The following LAMA2 variants were observed in gnomAD, a reference collection of about 807,000 sequenced individuals.
LAMA2 encodes laminin subunit alpha-2.
A neutral mutation model predicts 364.8 loss-of-function variants in LAMA2; 269 were observed. The ratio of observed to expected loss-of-function variants is 0.74; its 90% CI spans 0.67 to 0.82. The LOEUF is 0.82. Ranked by LOEUF, LAMA2 falls within the 40% of genes least tolerant of loss-of-function variation. The pLI, the probability that LAMA2 is intolerant of heterozygous loss-of-function variation, is 0.00. For missense variants in LAMA2, 3,807 were observed against 3,873.2 expected, an observed-to-expected ratio of 0.98 and a Z score of 0.45; for synonymous variants, 1,379 against 1,370.6, an observed-to-expected ratio of 1.01 and a Z score of -0.14.
At chr6:129,418,059 C>G (rs998278445) in intron 40 of LAMA2, among the ~76,000 whole-genome samples, 2 of 152,134 alleles carry the variant, frequency 1.3e-5, no homozygotes, top group African/African-American at 4.8e-5. Flanking sequence ...CTGGCTCCCA[C>G]CAGCTCTGTG....
intron 5 of LAMA2, among the ~76,000 whole-genome samples, chr6:129,144,756 C>T (rs1307216552): frequency 2.0e-5 from 3 of 151,956 alleles, no homozygotes; most frequent in African/African-American, 4.8e-5. Context: ...ATTCTACATA[C>T]TGTTTTATTT....
intron 62 of LAMA2, 145 bp downstream of exon 62, chr6:129,507,787 A>G (rs1009293039): frequency 1.3e-6 from 1 of 797,040 alleles, no homozygotes. Flanking sequence ...AGTAATTTCA[A>G]AAATGCCTCT....
At chr6:129,358,555 C>A (rs1442138143) in intron 32 of LAMA2, among the ~76,000 whole-genome samples, 1 of 151,920 alleles carries the variant, frequency 6.6e-6, no homozygotes, top group Non-Finnish European at 1.5e-5. Flanking sequence ...CTGTGACATC[C>A]ACAAAACAGA....
intron 34 of LAMA2, among the ~76,000 whole-genome samples, chr6:129,372,809 T>G (rs900751201): frequency 6.6e-6 from 1 of 152,208 alleles, no homozygotes; most frequent in Non-Finnish European, 1.5e-5. Flanking sequence ...CAATAGCATT[T>G]GGTGTTTTTA....
intron 4 of LAMA2, among the ~76,000 whole-genome samples, chr6:129,107,915 C>A (rs1260100435): frequency 6.6e-6 from 1 of 152,076 alleles, no homozygotes; most frequent in African/African-American, 2.4e-5. Flanking sequence ...CTCAGGAGTC[C>A]CCCCTCCTAG....
At chr6:129,316,901 TG>T (rs1226927142) in intron 27 of LAMA2, among the ~76,000 whole-genome samples, 1 of 152,186 alleles carries the variant, frequency 6.6e-6, no homozygotes, top group Non-Finnish European at 1.5e-5. Flanking sequence ...CCCAATATTA[TG>T]AGTGTAAACT....
chr6:129,514,946 G>A (rs1305423350), intron 64 of LAMA2, among the ~76,000 whole-genome samples: 1 of 58,692 alleles, frequency 1.7e-5, no homozygotes, highest in African/African-American at 4.0e-5. Flanking sequence ...ATATACCAGA[G>A]GAATCAATCA....
rs562706324 is a variant in LAMA2 at position 129,417,053 on chromosome 6, C to T, written c.5866-10699C>T. On this transcript the variant is annotated intron_variant, in intron 40 of 64. Coordinates refer to ENST00000421865, the MANE Select transcript of LAMA2 (RefSeq NM_000426.4). ...GGCTCAGGGAGTCCATAGGTCTCAGCTCCCCAAAAGGCCACAGCCCTTCTC... is the reference window on the plus strand; with the variant it reads ...GGCTCAGGGAGTCCATAGGTCTCAGTTCCCCAAAAGGCCACAGCCCTTCTC... Among the ~76,000 whole-genome samples the T allele has an allele frequency of 2.0e-5, 3 of 152,146 alleles. No homozygotes were observed. The East Asian group carries it at 5.8e-4, about 29-fold the overall frequency.
intron 3 of LAMA2, among the ~76,000 whole-genome samples, chr6:129,082,254 C>T (rs1774106793): frequency 6.6e-6 from 1 of 151,976 alleles, no homozygotes; most frequent in South Asian, 2.1e-4. Context: ...CATTGCTTTG[C>T]TCAATTTTCT....
intron 33 of LAMA2, among the ~76,000 whole-genome samples, chr6:129,369,470 CT>C (rs201865436): frequency 0.012 from 1,772 of 152,196 alleles, 29 homozygotes; most frequent in African/African-American, 0.04. Flanking sequence ...TACCTGTGAT[CT>C]GTGTCTCTGT....
At chr6:129,427,624 T>C in intron 40 of LAMA2, 128 bp from the exon 41 acceptor site, 1 of 727,072 alleles carries the variant, frequency 1.4e-6, no homozygotes, top group Non-Finnish European at 2.5e-6. Flanking sequence ...GCTAATAATT[T>C]ACAATTCTAT....
intron 33 of LAMA2, among the ~76,000 whole-genome samples, chr6:129,366,932 GC>G (rs1444113501): frequency 1.3e-5 from 2 of 152,196 alleles, no homozygotes; most frequent in African/African-American, 4.8e-5. Context: ...TGCTCAGTCT[GC>G]CATAGGCTCA....
chr6:129,008,147 T>C (rs1357835850), intron 1 of LAMA2, among the ~76,000 whole-genome samples: 2 of 152,186 alleles, frequency 1.3e-5, no homozygotes, highest in Admixed American at 1.3e-4. Context: ...GAACATGCTG[T>C]CATTAACTGC....
intron 12 of LAMA2, among the ~76,000 whole-genome samples, chr6:129,220,650 A>C (rs914101509): frequency 6.6e-6 from 1 of 152,206 alleles, no homozygotes; most frequent in African/African-American, 2.4e-5. Context: ...ATATGTTAAA[A>C]TGTCATACTT....
In LAMA2 at chr6:129,320,488, G is replaced by T. The variant is rs745642152; in HGVS notation, c.4059-50G>T. 30 of 1,046,472 alleles carry T rather than the reference G, an allele frequency of 2.9e-5. No individual in the cohort carries two copies. In the Admixed American group the frequency reaches 3.2e-4, roughly 11 times the overall value. 64.8% of individuals were successfully genotyped at this position (1,046,472 alleles called of 1,614,324 possible). A position where few individuals can be genotyped will look rare whatever the true frequency, so the allele number is the denominator to read the frequency against. On this transcript the variant is annotated intron_variant, in intron 27 of 64. Transcript: ENST00000421865. The stretch of plus-strand genomic sequence containing the variant: ...CTGTAGGATTGATTGTTTACTAGGT[G>T]ATCTTAACTGACTGTCATAGTAATC...
In LAMA2 at chr6:128,884,247, T is replaced by C. The variant is rs553741403; in HGVS notation, c.112+890T>C. The stretch of plus-strand genomic sequence containing the variant: ...TTTTACAGGAAGCACATGTGCAGCA[T>C]TGTAAGACATACTTTGTAACACATT... On this transcript the variant is annotated intron_variant, in intron 1 of 64. Transcript: ENST00000421865. Among the ~76,000 whole-genome samples, 13 of 152,294 alleles carry C rather than the reference T, an allele frequency of 8.5e-5. No homozygotes were observed. In the South Asian group the frequency reaches 1.9e-3, roughly 22 times the overall value.
intron 4 of LAMA2, among the ~76,000 whole-genome samples, chr6:129,133,365 C>T (rs3943300): frequency 0.15 from 22,612 of 151,648 alleles, 2,278 homozygotes; most frequent in African/African-American, 0.29. Context: ...TAAAATTAAA[C>T]GGGGCAAAAG....
chr6:129,015,708 A>C (rs1785026175), intron 1 of LAMA2, among the ~76,000 whole-genome samples: 1 of 152,038 alleles, frequency 6.6e-6, no homozygotes, highest in East Asian at 1.9e-4. Context: ...TGTAGTCTGC[A>C]CTAGGAATTG....
intron 64 of LAMA2, among the ~76,000 whole-genome samples, chr6:129,515,827 C>T (rs1787013142): frequency 6.6e-6 from 1 of 152,030 alleles, no homozygotes; most frequent in Admixed American, 6.6e-5. Flanking sequence ...CCTGTAATCC[C>T]AACACTTTGG....
Sources: allele counts gnomAD v4.1 joint callset (sites outside exome capture counted in the v4.1 genomes callset), GRCh38; gene constraint gnomAD v4.1.1; transcripts MANE v1.5; gene names NCBI Gene and HGNC (gene_info 2026-07-23, HGNC 2026-07-21).